Variants in PIK3C2G observed in about 807,000 individuals in gnomAD.
PIK3C2G encodes phosphatidylinositol-4-phosphate 3-kinase catalytic subunit type 2 gamma.
Under a neutral mutation model 181.1 loss-of-function variants are expected in PIK3C2G, and 168 were observed. The observed-to-expected ratio is 0.93, with a 90% CI of 0.82 to 1.05. The LOEUF is 1.05. Ranked by LOEUF, PIK3C2G falls within the 50% of genes least tolerant of loss-of-function variation. PIK3C2G has a pLI of 0.00. For synonymous variants in PIK3C2G, 573 were observed against 592.2 expected (o/e 0.97, Z 0.47); for missense variants, 1,869 against 1,732.8 (o/e 1.08, Z -1.40).
At chr12:18,506,432 G>A (rs1276076670) in intron 24 of PIK3C2G, among the ~76,000 whole-genome samples, 1 of 152,138 alleles carries the variant, frequency 6.6e-6, no homozygotes, top group Non-Finnish European at 1.5e-5. Context: ...GACCAGTGAA[G>A]AGACTACTGC....
At chr12:18,467,636 G>A (rs948527048) in intron 18 of PIK3C2G, among the ~76,000 whole-genome samples, 1 of 151,854 alleles carries the variant, frequency 6.6e-6, no homozygotes, top group Admixed American at 6.6e-5. Flanking sequence ...ACAGAAATAT[G>A]CTCCTCATGT....
At chr12:18,707,114 G>C in the PIK3C2G span, among the ~76,000 whole-genome samples, 55 of 152,178 alleles carry the variant, frequency 3.6e-4, no homozygotes, top group Non-Finnish European at 6.5e-4. Context: ...GGTGTTCAGC[G>C]CCTACTCAGA....
At chr12:18,515,364 G>A (rs1190168082) in intron 24 of PIK3C2G, among the ~76,000 whole-genome samples, 1 of 151,700 alleles carries the variant, frequency 6.6e-6, no homozygotes, top group East Asian at 1.9e-4. Flanking sequence ...GCTTTTCTTT[G>A]ATGAAAGAGT....
chr12:18,438,914 G>C (rs1294945508), intron 18 of PIK3C2G, among the ~76,000 whole-genome samples: 3 of 151,576 alleles, frequency 2.0e-5, no homozygotes, highest in Non-Finnish European at 4.4e-5. Flanking sequence ...TATATAATAC[G>C]TATTTATACC....
intron 1 of PIK3C2G, among the ~76,000 whole-genome samples, chr12:18,250,544 C>T (rs16914060): frequency 0.059 from 8,918 of 151,996 alleles, 870 homozygotes; most frequent in East Asian, 0.47. Context: ...GGTTTGCTTT[C>T]CCTCAGAAAC....
At chr12:18,495,020 A>G (rs1209494471) in intron 20 of PIK3C2G, among the ~76,000 whole-genome samples, 1 of 152,104 alleles carries the variant, frequency 6.6e-6, no homozygotes, top group African/African-American at 2.4e-5. Flanking sequence ...TGATTCAGTA[A>G]GCAAGGGTTT....
chr12:18,352,806 C>G (rs978862017), intron 11 of PIK3C2G, among the ~76,000 whole-genome samples: 1 of 152,100 alleles, frequency 6.6e-6, no homozygotes, highest in Non-Finnish European at 1.5e-5. Context: ...TTTGAGATCC[C>G]GCTGTCAAGC....
At chr12:18,694,240 G>A in the PIK3C2G span, 4 of 602,170 alleles carry the variant, frequency 6.6e-6, no homozygotes, top group Non-Finnish European at 9.0e-6. Context: ...GGAGTACGAT[G>A]TGTAAGTGCC....
intron 29 of PIK3C2G, among the ~76,000 whole-genome samples, chr12:18,574,502 T>C (rs1482147857): frequency 6.6e-6 from 1 of 152,194 alleles, no homozygotes; most frequent in African/African-American, 2.4e-5. Flanking sequence ...AATGGGCTTC[T>C]TGATTAGAAT....
At chr12:18,363,311 C>G (rs934865513) in intron 12 of PIK3C2G, among the ~76,000 whole-genome samples, 6 of 152,082 alleles carry the variant, frequency 3.9e-5, no homozygotes, top group African/African-American at 1.4e-4. Context: ...TTTAAACAAT[C>G]AAGTTTTTTT....
intron 18 of PIK3C2G, among the ~76,000 whole-genome samples, chr12:18,455,341 T>G (rs1947568805): frequency 6.6e-6 from 1 of 151,116 alleles, no homozygotes; most frequent in African/African-American, 2.4e-5. Flanking sequence ...TGCCAGGAGG[T>G]TGGGAAGGGG....
chr12:18,502,260 A>G (rs964112900), intron 22 of PIK3C2G, among the ~76,000 whole-genome samples: 2 of 152,234 alleles, frequency 1.3e-5, no homozygotes, highest in Non-Finnish European at 2.9e-5. Flanking sequence ...TTCAGCACAG[A>G]TAAGCCTTTT....
chr12:18,255,317 T>C (rs992742327), intron 1 of PIK3C2G, among the ~76,000 whole-genome samples: 12 of 152,132 alleles, frequency 7.9e-5, no homozygotes, highest in African/African-American at 2.9e-4. Flanking sequence ...TCTGATTCTA[T>C]TTTCTATAAG....
At chr12:18,586,445 C>A (rs774253022) in intron 29 of PIK3C2G, among the ~76,000 whole-genome samples, 6 of 152,108 alleles carry the variant, frequency 3.9e-5, no homozygotes, top group Non-Finnish European at 8.8e-5. Context: ...TACTTATGAG[C>A]ACCTCTATGC....
At position 18,371,221 on chromosome 12, in the gene PIK3C2G, C is replaced by A; in HGVS notation, c.1790C>A (p.Ser597Tyr). The change falls in exon 13 of 33, where the codon TCC becomes TAC. Residue 597 changes from serine (S) to tyrosine (Y), a missense_variant. Coordinates refer to ENST00000538779, the MANE Select transcript of PIK3C2G (RefSeq NM_001288772.2). ...GAAATAAAGTCACTTCCAAGGGAAT[C>A]CATGCTCACTGTAAAACTGTTTGGG... ...PLEIKSLPRE[S>Y]MLTVKLFGIA... The A allele has an allele frequency of 2.5e-6, 4 of 1,611,650 alleles. No individual in the cohort carries two copies. The highest frequency in any genetic ancestry group is 3.4e-6 in the Non-Finnish European group (4 of 1,178,446).
chr12:18,483,695 T>C (rs1344132117), intron 18 of PIK3C2G, among the ~76,000 whole-genome samples: 1 of 151,866 alleles, frequency 6.6e-6, no homozygotes, highest in East Asian at 1.9e-4. Flanking sequence ...CGAGAATGTT[T>C]AAAAAAATGT....
At chr12:18,318,099 G>GAC (rs1447139326) in intron 6 of PIK3C2G, among the ~76,000 whole-genome samples, 5 of 152,108 alleles carry the variant, frequency 3.3e-5, no homozygotes, top group African/African-American at 1.2e-4. Context: ...GAGAGAGATG[G>GAC]ACATTTGTGT....
intron 31 of PIK3C2G, among the ~76,000 whole-genome samples, chr12:18,613,876 G>T (rs74323206): frequency 0.023 from 3,455 of 152,132 alleles, 148 homozygotes; most frequent in African/African-American, 0.079. Context: ...TGCCTTTGAT[G>T]TAGAACAAAG....
intron 1 of PIK3C2G, among the ~76,000 whole-genome samples, chr12:18,265,909 G>C (rs1948467211): frequency 6.6e-6 from 1 of 150,550 alleles, no homozygotes; most frequent in Non-Finnish European, 1.5e-5. Flanking sequence ...AGCTACTCAG[G>C]AGGCTGAGGC....
Sources: gnomAD v4.1 joint callset for allele counts (sites outside exome capture counted in the v4.1 genomes callset) on GRCh38, gnomAD v4.1.1 for gene constraint, MANE v1.5 for transcripts, NCBI Gene and HGNC (gene_info 2026-07-23, HGNC 2026-07-21) for gene names.